Variants in UGGT2 observed in about 807,000 individuals in gnomAD.
The protein encoded by UGGT2 is UDP-glucose glycoprotein glucosyltransferase 2, also known as UDP-glucose:glycoprotein glucosyltransferase 2.
In UGGT2, 180 loss-of-function variants were observed where a neutral mutation model predicts 192.1. The observed-to-expected ratio is 0.94, with a 90% CI of 0.83 to 1.06. UGGT2 has a LOEUF of 1.06. Among genes scored for constraint, UGGT2 ranks in the 50% least tolerant of loss-of-function variants. The probability of loss-of-function intolerance (pLI) is 0.00; values close to 1 mark genes in which losing one functional copy is unlikely to be tolerated. For missense variants in UGGT2, 1,849 were observed against 1,795.7 expected (o/e 1.03, Z -0.54); for synonymous variants, 580 against 591.0 (o/e 0.98, Z 0.27).
At chr13:95,851,652 C>T (rs972967733) in intron 36 of UGGT2, among the ~76,000 whole-genome samples, 3 of 152,260 alleles carry the variant, frequency 2.0e-5, no homozygotes, top group East Asian at 3.9e-4. Flanking sequence ...GAAGTGCTCA[C>T]TACACATTTT....
At chr13:95,970,720 T>C (rs1001906454) in intron 11 of UGGT2, among the ~76,000 whole-genome samples, 1 of 152,186 alleles carries the variant, frequency 6.6e-6, no homozygotes, top group Admixed American at 6.5e-5. Flanking sequence ...TTTTATTACA[T>C]ATAATTTGAA....
chr13:95,968,338 C>T (rs754497197), intron 12 of UGGT2, among the ~76,000 whole-genome samples: 10 of 152,062 alleles, frequency 6.6e-5, no homozygotes, highest in Non-Finnish European at 1.2e-4. Flanking sequence ...AAATGTAAAA[C>T]TATAACTGTG....
At chr13:95,915,650 C>A (rs575318633) in intron 20 of UGGT2, among the ~76,000 whole-genome samples, 1 of 152,358 alleles carries the variant, frequency 6.6e-6, no homozygotes, top group East Asian at 1.9e-4. Context: ...TGGGACAGGG[C>A]TTCCGGGGGA....
chr13:96,042,709 T>C (rs534494360), intron 1 of UGGT2, among the ~76,000 whole-genome samples: 5 of 151,878 alleles, frequency 3.3e-5, no homozygotes, highest in Admixed American at 6.5e-5. Flanking sequence ...GACGCACTTA[T>C]AGAAATGTAA....
intron 30 of UGGT2, among the ~76,000 whole-genome samples, chr13:95,866,447 T>A (rs1292445754): frequency 6.6e-6 from 1 of 152,186 alleles, no homozygotes; most frequent in East Asian, 1.9e-4. Flanking sequence ...TAGGCTATTG[T>A]AATCTTATTC....
chr13:95,837,723 C>A (rs895719282), intron 36 of UGGT2, among the ~76,000 whole-genome samples: 1 of 152,272 alleles, frequency 6.6e-6, no homozygotes, highest in East Asian at 1.9e-4. Flanking sequence ...AGTTAGAGAC[C>A]TTTGGAGAGA....
intron 15 of UGGT2, among the ~76,000 whole-genome samples, chr13:95,946,507 T>C (rs1166132846): frequency 6.6e-6 from 1 of 152,170 alleles, no homozygotes; most frequent in African/African-American, 2.4e-5. Flanking sequence ...TAACTATGAC[T>C]ACAGGCATGT....
intron 15 of UGGT2, among the ~76,000 whole-genome samples, chr13:95,942,221 G>GGCGTGTGTGT (rs1285651365): frequency 1.7e-5 from 2 of 117,992 alleles, no homozygotes; most frequent in African/African-American, 6.4e-5. Flanking sequence ...TTAGGGTGAG[G>GGCGTGTGTGT]GTGTGTGTGT....
intron 5 of UGGT2, among the ~76,000 whole-genome samples, chr13:96,008,009 A>C (rs1488279559): frequency 6.6e-6 from 1 of 152,358 alleles, no homozygotes; most frequent in East Asian, 1.9e-4. Context: ...CTAGACCACT[A>C]TCTCTCACCA....
Position 95,890,547 on chromosome 13 carries a change from G to C in UGGT2, c.2958+315C>G, listed in dbSNP as rs78956915. On this transcript the variant is annotated intron_variant, in intron 25 of 38. Transcript: ENST00000376747. ...CCATATAACCTCATTTAACCTTAAT[G>C]ATCCCCTTAAAGCCCTATCTCCAGA... 3.9e-3 allele frequency among the ~76,000 whole-genome samples: 601 copies of C among 152,224 alleles called. 21 individuals carry two copies. In the East Asian group the frequency reaches 0.099, roughly 25 times the overall value.
intron 31 of UGGT2, 174 bp downstream of exon 31, chr13:95,863,455 T>C: frequency 1.8e-6 from 1 of 563,616 alleles, no homozygotes; most frequent in South Asian, 2.5e-5. Flanking sequence ...TTTTCATCTG[T>C]CTTATAGCTC....
At chr13:95,957,140 GTAGA>G (rs1206469052) in intron 12 of UGGT2, among the ~76,000 whole-genome samples, 3 of 152,206 alleles carry the variant, frequency 2.0e-5, no homozygotes, top group Non-Finnish European at 4.4e-5. Flanking sequence ...AAGACAGAAA[GTAGA>G]TAGAGCTTAC....
At chr13:95,906,934 A>G (rs1456672830) in intron 20 of UGGT2, among the ~76,000 whole-genome samples, 1 of 152,138 alleles carries the variant, frequency 6.6e-6, no homozygotes, top group African/African-American at 2.4e-5. Flanking sequence ...CTGGTTGGAA[A>G]GTGGGTGCAG....
chr13:95,961,172 AAGAG>A (rs916706383), intron 12 of UGGT2, among the ~76,000 whole-genome samples: 11 of 151,714 alleles, frequency 7.3e-5, no homozygotes, highest in African/African-American at 2.4e-4. Context: ...ACAATTGTTA[AAGAG>A]AGAGAGAGAG....
At chr13:95,840,293 C>T (rs1285502822) in intron 36 of UGGT2, among the ~76,000 whole-genome samples, 1 of 151,940 alleles carries the variant, frequency 6.6e-6, no homozygotes, top group Admixed American at 6.6e-5. Flanking sequence ...TGCAATCTAT[C>T]CATCTGACAA....
At chr13:95,969,191 C>T (rs114878388) in intron 12 of UGGT2, among the ~76,000 whole-genome samples, 214 of 152,320 alleles carry the variant, frequency 1.4e-3, no homozygotes, top group African/African-American at 4.7e-3. Flanking sequence ...AGTAAGTGAG[C>T]TTCCCTGGTA....
intron 34 of UGGT2, among the ~76,000 whole-genome samples, chr13:95,855,779 T>C (rs966376085): frequency 5.3e-5 from 8 of 152,192 alleles, no homozygotes; most frequent in African/African-American, 1.9e-4. Flanking sequence ...ATGAGAGTTG[T>C]ATGTAACTGC....
At chr13:95,850,477 T>C (rs1425358363) in intron 36 of UGGT2, among the ~76,000 whole-genome samples, 1 of 152,196 alleles carries the variant, frequency 6.6e-6, no homozygotes, top group Non-Finnish European at 1.5e-5. Flanking sequence ...ACTAAATAAC[T>C]AGGCAGTCAA....
At chr13:95,826,767 CTAAT>C (rs1886087792) in intron 38 of UGGT2, among the ~76,000 whole-genome samples, 1 of 151,502 alleles carries the variant, frequency 6.6e-6, no homozygotes, top group Non-Finnish European at 1.5e-5. Flanking sequence ...CTCAAGCCAA[CTAAT>C]TAATGTAATC....
Sources: allele counts gnomAD v4.1 joint callset (sites outside exome capture counted in the v4.1 genomes callset), GRCh38; gene constraint gnomAD v4.1.1; transcripts MANE v1.5; gene names NCBI Gene and HGNC (gene_info 2026-07-23, HGNC 2026-07-21).